The following HSDL2 variants were observed in gnomAD, a reference collection of about 807,000 sequenced individuals.
HSDL2 encodes hydroxysteroid dehydrogenase like 2.
HSDL2 carries 27 observed loss-of-function variants against 46.3 expected under a neutral mutation model. The observed-to-expected ratio is 0.58, with a 90% confidence interval of 0.43 to 0.80. HSDL2 has a LOEUF of 0.80. Among genes scored for constraint, HSDL2 ranks in the 30% least tolerant of loss-of-function variants. The pLI is 0.00. For synonymous variants in HSDL2, 153 were observed against 163.6 expected (o/e 0.94, Z 0.50); for missense variants, 451 against 502.7 (o/e 0.90, Z 0.98).
intron 1 of HSDL2, among the ~76,000 whole-genome samples, chr9:112,381,638 G>A (rs1170530231): frequency 3.3e-5 from 5 of 152,314 alleles, no homozygotes; most frequent in Non-Finnish European, 5.9e-5. Context: ...ACAGGCGTAA[G>A]CCACTGCGCC....
chr9:112,388,033 C>T (rs1217538575), intron 1 of HSDL2, among the ~76,000 whole-genome samples: 1 of 151,998 alleles, frequency 6.6e-6, no homozygotes, highest in Non-Finnish European at 1.5e-5. Flanking sequence ...ATGATGTGTG[C>T]CTGTAGTCCC....
At chr9:112,459,836 G>C (rs889474192) in intron 10 of HSDL2, among the ~76,000 whole-genome samples, 1 of 152,290 alleles carries the variant, frequency 6.6e-6, no homozygotes, top group African/African-American at 2.4e-5. Context: ...ATAATTCAAA[G>C]GGACTCCTGG....
chr9:112,439,095 G>A (rs1832589368), intron 7 of HSDL2, among the ~76,000 whole-genome samples: 1 of 152,148 alleles, frequency 6.6e-6, no homozygotes, highest in South Asian at 2.1e-4. Context: ...CTACCTCCCA[G>A]GCTCAAGCAA....
Position 112,459,518 on chromosome 9 carries a change from C to G in HSDL2, c.1085C>G (p.Ser362Cys), listed in dbSNP as rs1314698030. Reference protein sequence around the residue: ...KGGNVGYGEPSDQADVVMSMT... With the variant: ...KGGNVGYGEPCDQADVVMSMT... ...GGGAATGTCGGATATGGAGAGCCTTCTGATCAGGCAGATGTGGTGATGAGT... is the reference window on the plus strand; with the variant it reads ...GGGAATGTCGGATATGGAGAGCCTTGTGATCAGGCAGATGTGGTGATGAGT... Residue 362 changes from serine to cysteine, a missense_variant, in exon 10 of 11, where the codon TCT becomes TGT. Physicochemically the swap from Ser to Cys is moderately radical, Grantham distance 112. Transcript: ENST00000398805. 6.2e-7 allele frequency: 1 copy of G among 1,613,834 alleles called. No homozygotes were observed. The highest frequency in any genetic ancestry group is 1.7e-5 in the Admixed American group (1 of 60,030).
intron 9 of HSDL2, among the ~76,000 whole-genome samples, 179 bp downstream of exon 9, chr9:112,454,341 T>G (rs1397755303): frequency 2.0e-5 from 3 of 152,190 alleles, no homozygotes; most frequent in Non-Finnish European, 4.4e-5. Flanking sequence ...TTGTTGTTGT[T>G]GTGTCTTTGA....
intron 6 of HSDL2, among the ~76,000 whole-genome samples, chr9:112,423,135 A>G (rs1832161845): frequency 6.6e-6 from 1 of 152,206 alleles, no homozygotes; most frequent in South Asian, 2.1e-4. Context: ...TGGCAAATAA[A>G]CCTGTAGTAC....
Position 112,416,869 on chromosome 9 carries a change from A to G in HSDL2, c.424A>G (p.Lys142Glu). The change falls in exon 5 of 11, where the codon AAG becomes GAG. Residue 142 changes from lysine to glutamate, a missense_variant. Lys to Glu is a moderately conservative substitution (Grantham distance 56). Transcript: ENST00000398805. ...TAAAGCATGTATTCCTTATTTGAAAAAGAGCAAAGTTGCTCATATCCTCAA... is the reference window on the plus strand; with the variant it reads ...TAAAGCATGTATTCCTTATTTGAAAGAGAGCAAAGTTGCTCATATCCTCAA... ...ASKACIPYLK[K>E]SKVAHILNIS... is the part of the protein sequence containing the mutation. 6.3e-7 allele frequency: 1 copy of G among 1,598,242 alleles called. No individual in the cohort carries two copies. The highest frequency in any genetic ancestry group is 1.1e-5 in the South Asian group (1 of 90,500).
chr9:112,438,482 A>G lies in HSDL2; in HGVS notation c.650A>G (p.Gln217Arg). The stretch of plus-strand genomic sequence containing the variant: ...CTGGGAGGACCTGGTATCGAAAGCC[A>G]GTGTAGAAAAGTTGATATCATTGCA... ...DMLGGPGIES[Q>R]CRKVDIIADA... is the part of the protein sequence containing the mutation. The change falls in exon 7 of 11, where the codon CAG (glutamine) becomes CGG (arginine). Residue 217 changes from glutamine (Q) to arginine (R), a missense_variant. By Grantham distance (43) the Gln-to-Arg change is conservative (BLOSUM62 1). Coordinates refer to ENST00000398805, the MANE Select transcript of HSDL2 (RefSeq NM_032303.5). 1 of 1,610,378 alleles carries G rather than the reference A, an allele frequency of 6.2e-7. No individual in the cohort carries two copies. The highest frequency in any genetic ancestry group is 1.7e-4 in the Middle Eastern group (1 of 6,044).
At chr9:112,410,024 A>C (rs931823292) in intron 4 of HSDL2, among the ~76,000 whole-genome samples, 3 of 150,472 alleles carry the variant, frequency 2.0e-5, no homozygotes, top group Non-Finnish European at 4.5e-5. Context: ...CTGGCGTTAA[A>C]AAAAAAAAAA....
chr9:112,449,080 G>GTTTTTT (rs59586435), intron 8 of HSDL2, among the ~76,000 whole-genome samples: 4 of 118,952 alleles, frequency 3.4e-5, no homozygotes, highest in Non-Finnish European at 3.5e-5. Flanking sequence ...TCTTTCCTCT[G>GTTTTTT]TTTTTTTTTT....
chr9:112,451,530 G>A (rs747631526), intron 8 of HSDL2, among the ~76,000 whole-genome samples: 1 of 152,172 alleles, frequency 6.6e-6, no homozygotes, highest in Admixed American at 6.5e-5. Flanking sequence ...TTCAAAAACT[G>A]TCTTATCTAA....
intron 6 of HSDL2, among the ~76,000 whole-genome samples, chr9:112,428,198 G>T (rs1016219106): frequency 1.3e-5 from 2 of 152,140 alleles, no homozygotes; most frequent in African/African-American, 4.8e-5. Flanking sequence ...TAACTCTTAG[G>T]AATATTTGAC....
intron 10 of HSDL2, among the ~76,000 whole-genome samples, chr9:112,467,615 T>C (rs1833430335): frequency 6.6e-6 from 1 of 152,164 alleles, no homozygotes; most frequent in Non-Finnish European, 1.5e-5. Flanking sequence ...ACCAAATTAT[T>C]TTCCCAAGGC....
chr9:112,418,471 T>C (rs1832044888), intron 5 of HSDL2, among the ~76,000 whole-genome samples: 3 of 150,776 alleles, frequency 2.0e-5, no homozygotes, highest in Admixed American at 1.3e-4. Flanking sequence ...TAGTCCCAGC[T>C]ACTCGGGAGG....
chr9:112,440,124 C>G (rs1832608096), intron 7 of HSDL2, among the ~76,000 whole-genome samples: 1 of 152,012 alleles, frequency 6.6e-6, no homozygotes, highest in Non-Finnish European at 1.5e-5. Context: ...GGTCCTGGTA[C>G]CCAGGAATAT....
chr9:112,381,219 C>T, intron 1 of HSDL2, among the ~76,000 whole-genome samples: 1 of 152,034 alleles, frequency 6.6e-6, no homozygotes, highest in East Asian at 1.9e-4. Context: ...AAGACGGGGT[C>T]TCCCATGTTG....
At chr9:112,451,780 C>T (rs1253703673) in intron 8 of HSDL2, among the ~76,000 whole-genome samples, 3 of 151,780 alleles carry the variant, frequency 2.0e-5, no homozygotes, top group Non-Finnish European at 4.4e-5. Flanking sequence ...GAAGGATCGG[C>T]AGGCATATAA....
At chr9:112,440,403 CA>C (rs1170006153) in intron 7 of HSDL2, among the ~76,000 whole-genome samples, 94 of 137,166 alleles carry the variant, frequency 6.9e-4, no homozygotes, top group Non-Finnish European at 4.6e-4. Flanking sequence ...GACCCCATGT[CA>C]AAAAAAAAAA....
At chr9:112,431,491 T>C (rs1832398559) in intron 6 of HSDL2, among the ~76,000 whole-genome samples, 1 of 151,316 alleles carries the variant, frequency 6.6e-6, no homozygotes, top group Non-Finnish European at 1.5e-5. Flanking sequence ...GCTTGGGGAG[T>C]GATACAGTTT....
Sources: allele counts gnomAD v4.1 joint callset (sites outside exome capture counted in the v4.1 genomes callset), GRCh38; gene constraint gnomAD v4.1.1; transcripts MANE v1.5; gene names NCBI Gene and HGNC (gene_info 2026-07-23, HGNC 2026-07-21).